FRRS1L: variants seen among roughly 807,000 people sequenced by gnomAD.
FRRS1L encodes the protein DOMON domain-containing protein FRRS1L.
FRRS1L carries 22 observed loss-of-function variants against 28.6 expected under a neutral mutation model. That is an observed-to-expected ratio of 0.77 (90% CI 0.55 to 1.10). The LOEUF is 1.10. Among genes scored for constraint, FRRS1L ranks in the 50% least tolerant of loss-of-function variants. The pLI is 0.00. For synonymous variants in FRRS1L, 158 were observed against 151.4 expected, an observed-to-expected ratio of 1.04 and a Z score of -0.32; for missense variants, 380 against 386.9, an observed-to-expected ratio of 0.98 and a Z score of 0.15.
Position 109,137,461 on chromosome 9 carries a change from G to A in FRRS1L, c.876C>T (p.Thr292=), listed in dbSNP as rs750586857. The A allele has an allele frequency of 1.3e-6, 2 of 1,599,912 alleles. No homozygotes were observed. Among genetic ancestry groups the A allele is most frequent in the Non-Finnish European group, 1.7e-6 (2 of 1,171,284 alleles). The change falls in exon 5 of 5, where the codon ACC becomes ACT. Residue 292 remains threonine (T), a synonymous_variant. Coordinates refer to ENST00000561981, the MANE Select transcript of FRRS1L (RefSeq NM_014334.4). ...VALTFYLLMG[T]P is the part of the protein sequence containing the mutation. ...GTTGGCCCTGCAGCTGTGGTTAGGG[G>A]GTTCCCATCAATAGGTAGAAGGTCA...
At chr9:109,145,791 AGCACACCCAACAGGG>A (rs1260818854) in intron 3 of FRRS1L, among the ~76,000 whole-genome samples, 2 of 152,180 alleles carry the variant, frequency 1.3e-5, no homozygotes, top group Admixed American at 1.3e-4. Flanking sequence ...CCTGAAGGGT[AGCACACCCAACAGGG>A]TGTTGAAGCT....
intron 3 of FRRS1L, among the ~76,000 whole-genome samples, chr9:109,142,561 C>G (rs1831201061): frequency 6.6e-6 from 1 of 152,108 alleles, no homozygotes; most frequent in South Asian, 2.1e-4. Flanking sequence ...TGCCTGTCAT[C>G]CCAACAATGT....
At chr9:109,156,863 G>A (rs1463664003) in intron 1 of FRRS1L, among the ~76,000 whole-genome samples, 1 of 151,932 alleles carries the variant, frequency 6.6e-6, no homozygotes, top group African/African-American at 2.4e-5. Context: ...TGTAGAGACA[G>A]GGTTTTGCCA....
At chr9:109,145,464 G>A (rs930302237) in intron 3 of FRRS1L, among the ~76,000 whole-genome samples, 3 of 152,218 alleles carry the variant, frequency 2.0e-5, no homozygotes, top group African/African-American at 7.2e-5. Context: ...TTGGGAGGCT[G>A]GGGTGGGCAG....
Position 109,141,571 on chromosome 9 carries a change from C to T in FRRS1L, c.481G>A (p.Ala161Thr). ...DKKMGGDDVM[A>T]CVHDDNGRVR... is the part of the protein sequence containing the mutation. ...CTGCCATTGTCATCATGGACGCAGG[C>T]CATGACATCATCACCACCCTAACAT... The change falls in exon 4 of 5, where the codon GCC becomes ACC. Residue 161 changes from alanine to threonine, a missense_variant. Ala to Thr is a moderately conservative substitution (Grantham distance 58, BLOSUM62 0). Transcript: ENST00000561981. 3 of 1,613,390 alleles carry T rather than the reference C, an allele frequency of 1.9e-6. No individual in the cohort carries two copies. Among genetic ancestry groups the T allele is most frequent in the Non-Finnish European group, 1.7e-6 (2 of 1,179,506 alleles).
rs1475409382 is a variant in FRRS1L, at chr9:109,134,995, T to C, written c.*2460A>G. 6.6e-6 allele frequency: 1 copy of C among 152,222 alleles called. No individual in the cohort carries two copies. The highest frequency in any genetic ancestry group is 2.4e-5 in the African/African-American group (1 of 41,454). 9.4% of individuals were successfully genotyped at this position (152,222 alleles called of 1,614,324 possible). A position where few individuals can be genotyped will look rare whatever the true frequency, so the allele number is the denominator to read the frequency against. ...GTTTGAATCCTACCCAGTTCCATTA[T>C]GCACTTGATGTCATTTAATTTCTCC... On this transcript the variant is annotated 3_prime_UTR_variant, in exon 5 of 5. Transcript: ENST00000561981.
At position 109,146,961 on chromosome 9, in the gene FRRS1L, C is replaced by T. The variant is rs1006083782; in HGVS notation, c.462+90G>A. 3 of 1,193,714 alleles carry T rather than the reference C, an allele frequency of 2.5e-6. No individual in the cohort carries two copies. In the African/African-American group the frequency reaches 4.5e-5, roughly 18 times the overall value. 73.9% of individuals were successfully genotyped at this position (1,193,714 alleles called of 1,614,324 possible). A position where few individuals can be genotyped will look rare whatever the true frequency, so the allele number is the denominator to read the frequency against. ...AGCCATAACTAATTTGATCATTATA[C>T]TGCTTTGATCAATTAACTTGCTTCT... On this transcript the variant is annotated intron_variant, in intron 3 of 4. Coordinates refer to ENST00000561981, the MANE Select transcript of FRRS1L (RefSeq NM_014334.4).
Position 109,131,102 on chromosome 9 carries a change from A to G in FRRS1L, c.*6353T>C, listed in dbSNP as rs1831051732. On this transcript the variant is annotated 3_prime_UTR_variant, in exon 5 of 5. Coordinates refer to ENST00000561981, the MANE Select transcript of FRRS1L (RefSeq NM_014334.4). ...TATATGCAAGTCTTTTATTAAATAT[A>G]AAAACAAAGAAATCTACCTTGAAAC... 1 of 152,250 alleles carries G rather than the reference A, an allele frequency of 6.6e-6. No homozygotes were observed. 9.4% of individuals were successfully genotyped at this position (152,250 alleles called of 1,614,324 possible).
At chr9:109,159,399 G>A (rs1831453281) in intron 1 of FRRS1L, among the ~76,000 whole-genome samples, 1 of 152,168 alleles carries the variant, frequency 6.6e-6, no homozygotes, top group South Asian at 2.1e-4. Flanking sequence ...GGCCGGGCGT[G>A]GTGGCTCACA....
At position 109,147,297 on chromosome 9, in the gene FRRS1L, T is replaced by C. The variant is rs192432283; in HGVS notation, c.324-108A>G. ...ATGCTAAGCAATATTATTAAACACATTGGATTTTTGCTACCTGGAATCTTA... is the reference window on the plus strand; with the variant it reads ...ATGCTAAGCAATATTATTAAACACACTGGATTTTTGCTACCTGGAATCTTA... On this transcript the variant is annotated intron_variant, in intron 2 of 4. Coordinates refer to ENST00000561981, the MANE Select transcript of FRRS1L (RefSeq NM_014334.4). 476 of 923,022 alleles carry C rather than the reference T, an allele frequency of 5.2e-4. 3 individuals carry two copies. The highest frequency in any genetic ancestry group is 5.1e-3 in the East Asian group (210 of 41,192). 57.2% of individuals were successfully genotyped at this position (923,022 alleles called of 1,614,324 possible). A position where few individuals can be genotyped will look rare whatever the true frequency, so the allele number is the denominator to read the frequency against.
At position 109,134,693 on chromosome 9, in the gene FRRS1L, C is replaced by T. The variant is rs1831092783; in HGVS notation, c.*2762G>A. On this transcript the variant is annotated 3_prime_UTR_variant, in exon 5 of 5. Transcript: ENST00000561981. ...GAGAAATCACTAGTGAAATAATTAG[C>T]TTGATTAGAAATGTAAGCGGAAGGA... The T allele has an allele frequency of 1.3e-5, 2 of 152,274 alleles. No homozygotes were observed. Among genetic ancestry groups the T allele is most frequent in the Admixed American group, 1.3e-4 (2 of 15,292 alleles). The allele number at this position is 152,274 out of a possible 1,614,324, so 9.4% of individuals were successfully genotyped here. A position where few individuals can be genotyped will look rare whatever the true frequency, so the allele number is the denominator to read the frequency against.
intron 4 of FRRS1L, 124 bp downstream of exon 4, chr9:109,141,219 C>A (rs1831181373): frequency 1.9e-6 from 2 of 1,076,236 alleles, no homozygotes; most frequent in Admixed American, 2.2e-5. Flanking sequence ...GTCGCATCTC[C>A]TTTTCCTTTA....
intron 2 of FRRS1L, chr9:109,147,418 C>A (rs1047543949): frequency 4.2e-6 from 2 of 475,436 alleles, no homozygotes; most frequent in African/African-American, 3.9e-5. Context: ...GGGGCTTGCC[C>A]GAGGTTGTAT....
chr9:109,156,069 C>T (rs541276657), intron 1 of FRRS1L, among the ~76,000 whole-genome samples: 32 of 152,228 alleles, frequency 2.1e-4, no homozygotes, highest in African/African-American at 7.5e-4. Flanking sequence ...AAATTGTATC[C>T]AGAACTCAGG....
Position 109,133,231 on chromosome 9 carries a change from AATTGTTAC to A in FRRS1L, c.*4216_*4223del. On this transcript the variant is annotated 3_prime_UTR_variant, in exon 5 of 5. Coordinates refer to ENST00000561981, the MANE Select transcript of FRRS1L (RefSeq NM_014334.4). ...CCTAGGTTTTAGGCAATTTCTTTTA[AATTGTTAC>A]ATTGTTAAAAATGTATTTAAGTCTT... 1 of 152,324 alleles carries A rather than the reference AATTGTTAC, an allele frequency of 6.6e-6. No individual in the cohort carries two copies. The allele number at this position is 152,324 out of a possible 1,614,324, so 9.4% of individuals were successfully genotyped here. A position where few individuals can be genotyped will look rare whatever the true frequency, so the allele number is the denominator to read the frequency against.
chr9:109,148,722 T>TA (rs11376871), intron 2 of FRRS1L, among the ~76,000 whole-genome samples: 23,712 of 151,868 alleles, frequency 0.16, 2,087 homozygotes, highest in African/African-American at 0.2. Context: ...CAAGGGAAGT[T>TA]AAAAAAAGGA....
chr9:109,145,651 T>C (rs1831249196), intron 3 of FRRS1L, among the ~76,000 whole-genome samples: 1 of 152,076 alleles, frequency 6.6e-6, no homozygotes, highest in Admixed American at 6.5e-5. Flanking sequence ...GAGGCAAAGG[T>C]TGCAGTGAGC....
intron 1 of FRRS1L, among the ~76,000 whole-genome samples, chr9:109,153,904 C>A (rs971580062): frequency 2.0e-5 from 3 of 152,210 alleles, no homozygotes; most frequent in Non-Finnish European, 4.4e-5. Flanking sequence ...TACAACCCAG[C>A]CTTCTATAGG....
intron 1 of FRRS1L, among the ~76,000 whole-genome samples, chr9:109,158,584 TACA>T (rs1251862911): frequency 6.6e-6 from 1 of 152,250 alleles, no homozygotes; most frequent in Non-Finnish European, 1.5e-5. Flanking sequence ...AATGGAATCA[TACA>T]ACATGTGGTC....
Sources: gnomAD v4.1 joint callset for allele counts (sites outside exome capture counted in the v4.1 genomes callset) on GRCh38, gnomAD v4.1.1 for gene constraint, MANE v1.5 for transcripts, NCBI Gene and HGNC (gene_info 2026-07-23, HGNC 2026-07-21) for gene names.